Variants in DBT observed in about 807,000 individuals in gnomAD.
DBT encodes the protein lipoamide acyltransferase component of branched-chain alpha-keto acid dehydrogenase complex, mitochondrial.
In DBT, 40 loss-of-function variants were observed where a neutral mutation model predicts 51.3. The ratio of observed to expected loss-of-function variants is 0.78; its 90% CI spans 0.61 to 1.02. DBT has a LOEUF of 1.02. Among genes scored for constraint, DBT ranks in the 50% least tolerant of loss-of-function variants. The pLI is 0.00. For missense variants in DBT, 510 were observed against 580.2 expected (o/e 0.88, Z 1.24); for synonymous variants, 181 against 190.4 (o/e 0.95, Z 0.41).
chr1:100,244,003 T>G (rs1328504778), intron 1 of DBT, among the ~76,000 whole-genome samples: 2 of 135,790 alleles, frequency 1.5e-5, no homozygotes, highest in South Asian at 4.6e-4. Context: ...CCGGGCACAG[T>G]GGTTCATAGC....
intron 7 of DBT, among the ~76,000 whole-genome samples, chr1:100,212,792 T>A (rs924664806): frequency 5.9e-5 from 9 of 152,154 alleles, no homozygotes; most frequent in African/African-American, 2.2e-4. Flanking sequence ...TGGAATTGTG[T>A]ATTCCAGCAA....
chr1:100,212,479 G>A (rs375405139), intron 7 of DBT, among the ~76,000 whole-genome samples: 1 of 151,866 alleles, frequency 6.6e-6, no homozygotes, highest in Non-Finnish European at 1.5e-5. Context: ...CAAGGTTGCA[G>A]TGAGCTGTGA....
intron 2 of DBT, among the ~76,000 whole-genome samples, chr1:100,237,354 G>A (rs546291326): frequency 7.9e-5 from 12 of 152,258 alleles, no homozygotes; most frequent in South Asian, 2.1e-4. Context: ...GAGCCTGGGC[G>A]TAACCAGCAA....
At position 100,196,184 on chromosome 1, in the gene DBT, CATGT is replaced by C. The variant is rs1169188033; in HGVS notation, c.*67_*70del. ...TTACAATATAAATTGTAAAGATGAA[CATGT>C]GCTGGCACAGCTAGGGTTTACATAC... On this transcript the variant is annotated 3_prime_UTR_variant, in exon 11 of 11. Transcript: ENST00000370132. 4 of 1,242,046 alleles carry C rather than the reference CATGT, an allele frequency of 3.2e-6. No homozygotes were observed. The African/African-American group carries it at 5.9e-5, about 18-fold the overall frequency. 76.9% of individuals were successfully genotyped at this position (1,242,046 alleles called of 1,614,324 possible). A position where few individuals can be genotyped will look rare whatever the true frequency, so the allele number is the denominator to read the frequency against.
chr1:100,215,851 T>A (rs1662443719), intron 6 of DBT, 132 bp downstream of exon 6: 1 of 701,890 alleles, frequency 1.4e-6, no homozygotes, highest in African/African-American at 1.8e-5. Context: ...AGAAAAATTA[T>A]ATGCTGACTG....
chr1:100,212,753 G>A (rs1662230481), intron 7 of DBT, among the ~76,000 whole-genome samples: 1 of 152,178 alleles, frequency 6.6e-6, no homozygotes, highest in Non-Finnish European at 1.5e-5. Context: ...ATTTGCAGGT[G>A]TTTGATCGAG....
intron 1 of DBT, among the ~76,000 whole-genome samples, chr1:100,241,367 TGTGTG>T (rs1185475216): frequency 5.0e-3 from 8 of 1,598 alleles, no homozygotes; most frequent in African/African-American, 6.6e-3. Flanking sequence ...TGAAAGGTAT[TGTGTG>T]TGTGTGTGTG....
chr1:100,238,096 C>T (rs1051683268), intron 2 of DBT, among the ~76,000 whole-genome samples: 1 of 151,344 alleles, frequency 6.6e-6, no homozygotes, highest in South Asian at 2.1e-4. Flanking sequence ...GCTTTCCTTC[C>T]TCCCTCCCTC....
chr1:100,206,603 C>T lies in DBT; in HGVS notation c.1051G>A (p.Glu351Lys), dbSNP rs142160613. Residue 351 changes from glutamate (E) to lysine (K), a missense_variant, in exon 9 of 11, where the codon GAG (glutamate) becomes AAG (lysine). Coordinates refer to ENST00000370132, the MANE Select transcript of DBT (RefSeq NM_001918.5). ...SHNIGIAMDT[E>K]QGLIVPNVKN... ...ACATTAGGGACAATCAAACCCTGCT[C>T]AGTATCCATTGCTATCCCAATGTTA... 3 of 1,611,524 alleles carry T rather than the reference C, an allele frequency of 1.9e-6. No homozygotes were observed. Among genetic ancestry groups the T allele is most frequent in the Admixed American group, 1.7e-5 (1 of 59,998 alleles).
At chr1:100,219,578 T>C (rs753144564) in intron 4 of DBT, among the ~76,000 whole-genome samples, 12 of 151,850 alleles carry the variant, frequency 7.9e-5, no homozygotes, top group Non-Finnish European at 1.8e-4. Context: ...ACTCCCTATC[T>C]CTACAAGTGA....
At chr1:100,220,639 C>T (rs1662792403) in intron 4 of DBT, among the ~76,000 whole-genome samples, 1 of 152,200 alleles carries the variant, frequency 6.6e-6, no homozygotes, top group Non-Finnish European at 1.5e-5. Context: ...TCTTACTTTT[C>T]ATTACAACTG....
At chr1:100,237,172 C>G (rs1663919243) in intron 2 of DBT, among the ~76,000 whole-genome samples, 1 of 152,150 alleles carries the variant, frequency 6.6e-6, no homozygotes, top group Non-Finnish European at 1.5e-5. Flanking sequence ...GAATGCTGCC[C>G]TAAAATCCTC....
chr1:100,243,536 G>A (rs1314024264), intron 1 of DBT, among the ~76,000 whole-genome samples: 1 of 151,954 alleles, frequency 6.6e-6, no homozygotes, highest in Non-Finnish European at 1.5e-5. Context: ...TGCCCAGGGT[G>A]CTCTCGACCT....
Position 100,235,414 on chromosome 1 carries a change from A to G in DBT, c.251+22T>C, listed in dbSNP as rs1663810357. On this transcript the variant is annotated intron_variant, in intron 3 of 10. Coordinates refer to ENST00000370132, the MANE Select transcript of DBT (RefSeq NM_001918.5). ...CAAATTATTTTTAAATTTACTTAAGAGCTTTTTTCAGATTCACTTACCATT... is the reference window on the plus strand; with the variant it reads ...CAAATTATTTTTAAATTTACTTAAGGGCTTTTTTCAGATTCACTTACCATT... 2.5e-6 allele frequency: 3 copies of G among 1,196,888 alleles called. No individual in the cohort carries two copies. In the South Asian group the frequency reaches 3.9e-5, roughly 15 times the overall value. 74.1% of individuals were successfully genotyped at this position (1,196,888 alleles called of 1,614,324 possible). A position where few individuals can be genotyped will look rare whatever the true frequency, so the allele number is the denominator to read the frequency against.
At chr1:100,206,663 GGCTTTTAATGAATAA>G (rs1180669934) in intron 8 of DBT, 27 bp from the exon 9 acceptor site, 1 of 1,304,426 alleles carries the variant, frequency 7.7e-7, no homozygotes, top group Non-Finnish European at 1.1e-6. Flanking sequence ...TGTACAGTAG[GGCTTTTAATGAATAA>G]GCTAACAGCA....
In DBT at chr1:100,249,774, T is replaced by C; in HGVS notation, c.47A>G (p.Lys16Arg). Residue 16 changes from lysine (K) to arginine (R), a missense_variant, in exon 1 of 11, where the codon AAG (lysine) becomes AGG (arginine). By Grantham distance (26) the Lys-to-Arg change is conservative. Transcript: ENST00000370132. ...GATCTGCCCAAACGTGCTTACCAGC[T>C]TCCCCGCATTCCTGCTCCAGGTTCT... is the stretch of plus-strand genomic sequence containing the variant. Reference protein sequence around the residue: ...MLRTWSRNAGKLICVRYFQTC... With the variant: ...MLRTWSRNAGRLICVRYFQTC... 3 of 1,614,138 alleles carry C rather than the reference T, an allele frequency of 1.9e-6. No individual in the cohort carries two copies. The South Asian group carries it at 3.3e-5, about 18-fold the overall frequency.
At chr1:100,221,670 A>G (rs911834536) in intron 4 of DBT, among the ~76,000 whole-genome samples, 1 of 152,224 alleles carries the variant, frequency 6.6e-6, no homozygotes, top group Admixed American at 6.5e-5. Flanking sequence ...AGGGAATTAG[A>G]GTACAGTTTT....
At chr1:100,220,429 CA>C in intron 4 of DBT, among the ~76,000 whole-genome samples, 1 of 152,286 alleles carries the variant, frequency 6.6e-6, no homozygotes, top group African/African-American at 2.4e-5. Context: ...ACAGTTTTGA[CA>C]TTCATTTCTA....
chr1:100,216,377 A>C (rs1475348162), intron 5 of DBT, among the ~76,000 whole-genome samples, 178 bp from the exon 6 acceptor site: 8 of 152,206 alleles, frequency 5.3e-5, no homozygotes, highest in Admixed American at 5.2e-4. Context: ...CTGTTCACAT[A>C]TGCATGTGGT....
Sources: allele counts gnomAD v4.1 joint callset (sites outside exome capture counted in the v4.1 genomes callset), GRCh38; gene constraint gnomAD v4.1.1; transcripts MANE v1.5; gene names NCBI Gene and HGNC (gene_info 2026-07-23, HGNC 2026-07-21).